The following JAK2 variants were observed in gnomAD, a reference collection of about 807,000 sequenced individuals.
The protein encoded by JAK2 is Janus kinase 2, also known as tyrosine-protein kinase JAK2.
JAK2 carries 86 observed loss-of-function variants against 139.3 expected under a neutral mutation model. That is an observed-to-expected ratio of 0.62 (90% CI 0.52 to 0.74). JAK2 has a LOEUF of 0.74. Ranked by LOEUF, JAK2 falls within the 30% of genes least tolerant of loss-of-function variation. The pLI, the probability that JAK2 is intolerant of heterozygous loss-of-function variation, is 0.00. For synonymous variants in JAK2, 490 were observed against 437.7 expected (o/e 1.12, Z -1.49); for missense variants, 1,421 against 1,360.3 (o/e 1.04, Z -0.70).
chr9:5,112,705 G>C, intron 22 of JAK2: 1 of 864,036 alleles, frequency 1.2e-6, no homozygotes. Context: ...AGCAGCAAGT[G>C]CGAGAGCGGA....
intron 2 of JAK2, among the ~76,000 whole-genome samples, chr9:4,990,036 A>T (rs1024802607): frequency 2.6e-5 from 4 of 152,218 alleles, no homozygotes; most frequent in African/African-American, 9.6e-5. Flanking sequence ...GAATGGTAGA[A>T]AGAGGTAGGA....
intron 4 of JAK2, among the ~76,000 whole-genome samples, chr9:5,036,185 C>G (rs1320470627): frequency 6.6e-6 from 1 of 152,146 alleles, no homozygotes; most frequent in African/African-American, 2.4e-5. Context: ...TGAAGGACCT[C>G]TTCAAGGAGA....
At chr9:5,081,356 TTTTGC>T (rs1265405629) in intron 18 of JAK2, among the ~76,000 whole-genome samples, 1 of 152,184 alleles carries the variant, frequency 6.6e-6, no homozygotes, top group Non-Finnish European at 1.5e-5. Context: ...GCTGTATTTG[TTTTGC>T]TTTGTTCTCT....
chr9:5,084,082 C>T (rs1411839995), intron 19 of JAK2, among the ~76,000 whole-genome samples: 1 of 151,820 alleles, frequency 6.6e-6, no homozygotes, highest in Admixed American at 6.6e-5. Context: ...TAGTGTTTTC[C>T]ATAGTTCCGT....
chr9:4,986,344 C>T (rs1181620587), intron 2 of JAK2, among the ~76,000 whole-genome samples: 1 of 152,178 alleles, frequency 6.6e-6, no homozygotes, highest in African/African-American at 2.4e-5. Context: ...GGAGTATTTC[C>T]AAGCAATAAG....
At chr9:5,114,367 C>G (rs1337870695) in intron 22 of JAK2, 3 of 530,038 alleles carry the variant, frequency 5.7e-6, no homozygotes, top group Non-Finnish European at 1.1e-5. Flanking sequence ...TGCAATGGCA[C>G]GTTCACCATC....
At chr9:5,118,438 C>A (rs938858968) in intron 22 of JAK2, among the ~76,000 whole-genome samples, 1 of 152,152 alleles carries the variant, frequency 6.6e-6, no homozygotes, top group Non-Finnish European at 1.5e-5. Context: ...AAACTTGTAA[C>A]TATTCACATT....
intron 3 of JAK2, among the ~76,000 whole-genome samples, chr9:5,026,585 TA>T (rs1367282236): frequency 6.6e-6 from 1 of 152,200 alleles, no homozygotes; most frequent in Non-Finnish European, 1.5e-5. Context: ...TATATAGGAT[TA>T]AAAAAATTTT....
upstream of JAK2, chr9:4,984,813 A>ACG (rs1256186623): frequency 1.3e-5 from 2 of 151,744 alleles, no homozygotes; most frequent in African/African-American, 4.8e-5. Context: ...CCACACACAC[A>ACG]CCCGCCCATC....
At position 5,129,717 on chromosome 9, in the gene JAK2, A is replaced by G. The variant is rs1024001233; in HGVS notation, c.*2926A>G. Among the ~76,000 whole-genome samples the G allele has an allele frequency of 1.3e-5, 2 of 152,138 alleles. No homozygotes were observed. Among genetic ancestry groups the G allele is most frequent in the African/African-American group, 4.8e-5 (2 of 41,462 alleles). The stretch of plus-strand genomic sequence containing the variant: ...GGTTGGATTTAATATCAAGATAACT[A>G]GCTGCTAAGCGTTTCATAATTCTCA... On this transcript the variant is annotated 3_prime_UTR_variant, in exon 25 of 25. Transcript: ENST00000381652.
At chr9:5,048,138 T>G (rs1200910125) in intron 5 of JAK2, among the ~76,000 whole-genome samples, 1 of 151,994 alleles carries the variant, frequency 6.6e-6, no homozygotes, top group African/African-American at 2.4e-5. Context: ...TACCAGTTCT[T>G]TTCTTTTCTT....
Position 4,998,497 on chromosome 9 carries a change from C to T in JAK2, c.-26+12475C>T, listed in dbSNP as rs371505621. 4.6e-3 allele frequency among the ~76,000 whole-genome samples: 706 copies of T among 152,186 alleles called. 4 individuals are homozygous for T. Among genetic ancestry groups the T allele is most frequent in the African/African-American group, 0.016 (666 of 41,526 alleles). ...GTCTCGAACTCCTGACCTCGTGATC[C>T]GCCCGCCTTGGCCTCCCAAAGTGCT... On this transcript the variant is annotated intron_variant, in intron 2 of 24. Transcript: ENST00000381652.
intron 23 of JAK2, among the ~76,000 whole-genome samples, chr9:5,125,443 G>A (rs2130861495): frequency 6.6e-6 from 1 of 151,326 alleles, no homozygotes; most frequent in South Asian, 2.1e-4. Context: ...CCATTCTTCA[G>A]TCTTTTAAGT....
intron 22 of JAK2, among the ~76,000 whole-genome samples, chr9:5,113,328 G>A (rs1252900384): frequency 6.7e-6 from 1 of 148,692 alleles, no homozygotes; most frequent in Non-Finnish European, 1.5e-5. Context: ...ACTTGAGGGA[G>A]ATGCTGTGGA....
rs529764948 is a variant in JAK2, at chr9:5,102,368, G to C, written c.3059+11457G>C. On this transcript the variant is annotated intron_variant, in intron 22 of 24. Transcript: ENST00000381652. ...AAAGAGTAAAAAGCAACAAGATAAAGCCTACAAGAAATACAGGACTATGTG... is the reference window on the plus strand; with the variant it reads ...AAAGAGTAAAAAGCAACAAGATAAACCCTACAAGAAATACAGGACTATGTG... 2.9e-3 allele frequency among the ~76,000 whole-genome samples: 446 copies of C among 152,272 alleles called. 4 individuals carry two copies. The highest frequency in any genetic ancestry group is 9.3e-3 in the African/African-American group (387 of 41,556).
intron 2 of JAK2, among the ~76,000 whole-genome samples, chr9:5,009,624 C>T (rs1049974714): frequency 6.6e-6 from 1 of 152,084 alleles, no homozygotes; most frequent in Non-Finnish European, 1.5e-5. Flanking sequence ...TTTGGTCTTA[C>T]TCTTTTATTC....
intron 2 of JAK2, among the ~76,000 whole-genome samples, chr9:4,987,575 A>C (rs2129679981): frequency 6.6e-6 from 1 of 151,862 alleles, no homozygotes; most frequent in Middle Eastern, 3.4e-3. Context: ...ATCTCTACTA[A>C]AAATACAAAA....
At chr9:5,123,148 GT>G in intron 23 of JAK2, 27 bp downstream of exon 23, 1 of 1,451,830 alleles carries the variant, frequency 6.9e-7, no homozygotes, top group Non-Finnish European at 9.5e-7. Flanking sequence ...TTTACTTTCA[GT>G]TTTTTGTTTG....
At chr9:5,024,269 T>C (rs1822633812) in intron 3 of JAK2, among the ~76,000 whole-genome samples, 1 of 152,180 alleles carries the variant, frequency 6.6e-6, no homozygotes, top group Non-Finnish European at 1.5e-5. Context: ...AAAAAATTTT[T>C]TTTTGGCTTG....
Sources: gnomAD v4.1 joint callset for allele counts (sites outside exome capture counted in the v4.1 genomes callset) on GRCh38, gnomAD v4.1.1 for gene constraint, MANE v1.5 for transcripts, NCBI Gene and HGNC (gene_info 2026-07-23, HGNC 2026-07-21) for gene names.